The following COL4A6 variants were observed in gnomAD, a reference collection of about 807,000 sequenced individuals.
COL4A6 encodes collagen alpha-6(IV) chain.
A neutral mutation model predicts 126.7 loss-of-function variants in COL4A6; 59 were observed. The observed-to-expected ratio is 0.47, with a 90% CI of 0.38 to 0.58. COL4A6 has a LOEUF of 0.58. COL4A6 is among the 20% of genes least tolerant of loss of function. COL4A6 has a pLI of 0.00. For missense variants in COL4A6, 1,285 were observed against 1,337.3 expected, an observed-to-expected ratio of 0.96 and a Z score of 0.61; for synonymous variants, 547 against 496.6, an observed-to-expected ratio of 1.10 and a Z score of -1.35.
intron 3 of COL4A6, among the ~76,000 whole-genome samples, chrX:108,273,593 A>C (rs1038468202): frequency 4.4e-5 from 5 of 112,590 alleles, no homozygotes; most frequent in Non-Finnish European, 7.5e-5. Flanking sequence ...AATGTCCATC[A>C]ATGATAGACT....
At position 108,394,912 on chromosome X, in the gene COL4A6, G is replaced by A. The variant is rs1445993463; in HGVS notation, c.63+43030C>T. ...GGAAATGTTCTATATCTTGATCTAGGTGGTTTTATATATTAAGCAGAAGAG... is the reference window on the plus strand; with the variant it reads ...GGAAATGTTCTATATCTTGATCTAGATGGTTTTATATATTAAGCAGAAGAG... On this transcript the variant is annotated intron_variant, in intron 2 of 44. Coordinates refer to ENST00000334504, the MANE Select transcript of COL4A6 (RefSeq NM_033641.4). Among the ~76,000 whole-genome samples, 3 of 110,656 alleles carry A rather than the reference G, an allele frequency of 2.7e-5. No individual in the cohort carries two copies. The Admixed American group carries it at 2.9e-4, about 11-fold the overall frequency.
chrX:108,438,519 T>A, upstream of COL4A6: 1 of 937,204 alleles, frequency 1.1e-6, no homozygotes, highest in African/African-American at 2.0e-5. Context: ...GTAGTCTTTC[T>A]CACTTTCAGG....
intron 3 of COL4A6, among the ~76,000 whole-genome samples, chrX:108,265,116 T>C (rs1249243485): frequency 9.0e-6 from 1 of 111,485 alleles, no homozygotes; most frequent in Non-Finnish European, 1.9e-5. Context: ...ACAGTAACCA[T>C]CAGTGGTACT....
intron 3 of COL4A6, among the ~76,000 whole-genome samples, chrX:108,251,987 A>G (rs2036860610): frequency 9.0e-6 from 1 of 111,460 alleles, no homozygotes; most frequent in Non-Finnish European, 1.9e-5. Flanking sequence ...TGGTAAGAGC[A>G]TTCAAAATCC....
At chrX:108,266,072 G>C (rs1602959877) in intron 3 of COL4A6, among the ~76,000 whole-genome samples, 1 of 111,888 alleles carries the variant, frequency 8.9e-6, no homozygotes, top group African/African-American at 3.2e-5. Flanking sequence ...AACTGGGAGA[G>C]ACTTTGGTTT....
chrX:108,369,693 G>A (rs1446516515), intron 2 of COL4A6, among the ~76,000 whole-genome samples: 1 of 112,367 alleles, frequency 8.9e-6, no homozygotes, highest in East Asian at 2.8e-4. Context: ...GACACATTAA[G>A]TCTTTAGCAG....
At chrX:108,178,139 C>A (rs964128573) in intron 27 of COL4A6, among the ~76,000 whole-genome samples, 1 of 112,331 alleles carries the variant, frequency 8.9e-6, no homozygotes, top group East Asian at 2.8e-4. Flanking sequence ...GTGCAGTCAC[C>A]GAAGCAGGTT....
At chrX:108,241,101 C>A (rs924750977) in intron 3 of COL4A6, among the ~76,000 whole-genome samples, 5 of 110,378 alleles carry the variant, frequency 4.5e-5, no homozygotes, top group East Asian at 5.7e-4. Flanking sequence ...CTATAAATAT[C>A]ATATAATTTA....
chrX:108,399,482 G>C (rs958003092), intron 2 of COL4A6, among the ~76,000 whole-genome samples: 1 of 110,992 alleles, frequency 9.0e-6, no homozygotes, highest in African/African-American at 3.3e-5. Flanking sequence ...ACAAATCAGG[G>C]AAAACTGGGG....
At chrX:108,205,190 T>A (rs987649427) in intron 11 of COL4A6, among the ~76,000 whole-genome samples, 6 of 111,073 alleles carry the variant, frequency 5.4e-5, no homozygotes, top group African/African-American at 1.6e-4. Flanking sequence ...TTGTAAGACA[T>A]ACACCTTTCA....
chrX:108,271,607 A>G (rs1300952997), intron 3 of COL4A6, among the ~76,000 whole-genome samples: 1 of 111,498 alleles, frequency 9.0e-6, no homozygotes, highest in Non-Finnish European at 1.9e-5. Flanking sequence ...CTGCTGCTCC[A>G]GGTATGAGTG....
intron 32 of COL4A6, 107 bp from the exon 33 acceptor site, chrX:108,171,568 A>T (rs1011030045): frequency 4.7e-6 from 3 of 640,487 alleles, no homozygotes; most frequent in Non-Finnish European, 7.2e-6. Context: ...GTGTAGCCAG[A>T]GGAGCTCCTT....
chrX:108,302,040 C>G (rs2038502413), intron 3 of COL4A6, among the ~76,000 whole-genome samples: 1 of 111,323 alleles, frequency 9.0e-6, no homozygotes, highest in African/African-American at 3.3e-5. Context: ...ATGGTTTAGG[C>G]CAGTGGTCTC....
rs748163928 is a variant in COL4A6, at chrX:108,156,114, T to C, written c.*886A>G. The C allele has an allele frequency of 6.2e-5, 7 of 112,079 alleles. No individual in the cohort carries two copies. The highest frequency in any genetic ancestry group is 2.3e-4 in the African/African-American group (7 of 30,899). 9.2% of individuals were successfully genotyped at this position (112,079 alleles called of 1,213,427 possible). ...GAATAAACAGGGACTTCTGAGAAAC[T>C]GGGATGTGGGATTTACCTTTTTGTT... On this transcript the variant is annotated 3_prime_UTR_variant, in exon 45 of 45. Transcript: ENST00000334504.
At chrX:108,313,785 T>C (rs1456037563) in intron 2 of COL4A6, among the ~76,000 whole-genome samples, 1 of 112,250 alleles carries the variant, frequency 8.9e-6, no homozygotes, top group Non-Finnish European at 1.9e-5. Context: ...GAAGTGGTAG[T>C]CAGAGGCCAA....
rs2034668940 is a variant in COL4A6 at position 108,180,982 on chromosome X, CAT to C, written c.1952-16_1952-15del. On this transcript the variant is annotated splice_polypyrimidine_tract_variant and intron_variant, in intron 23 of 44. Coordinates refer to ENST00000334504, the MANE Select transcript of COL4A6 (RefSeq NM_033641.4). Reference sequence around the variant, plus strand: ...GCAGGGTGATTCCTGTAAATGGTAACATGTGTGCATTCAGTGAACCCAGAGTT... The same window carrying C: ...GCAGGGTGATTCCTGTAAATGGTAACGTGTGCATTCAGTGAACCCAGAGTT... 8.5e-7 allele frequency: 1 copy of C among 1,182,919 alleles called. No homozygotes were observed. The highest frequency in any genetic ancestry group is 1.8e-5 in the African/African-American group (1 of 56,677).
chrX:108,287,310 T>C (rs1291900109), intron 3 of COL4A6, among the ~76,000 whole-genome samples: 1 of 112,224 alleles, frequency 8.9e-6, no homozygotes, highest in Non-Finnish European at 1.9e-5. Context: ...TTCCCTGCTC[T>C]TTTTGATGCC....
At chrX:108,181,327 A>G (rs2034679602) in intron 23 of COL4A6, among the ~76,000 whole-genome samples, 1 of 112,516 alleles carries the variant, frequency 8.9e-6, no homozygotes, top group African/African-American at 3.2e-5. Context: ...GCCCTCAGAT[A>G]GAGCCTCTCC....
At chrX:108,343,161 ATATAGTGTGTGTGT>A (rs1365646622) in intron 2 of COL4A6, among the ~76,000 whole-genome samples, 2 of 55,604 alleles carry the variant, frequency 3.6e-5, no homozygotes, top group Non-Finnish European at 3.2e-5. Context: ...ATATATATAT[ATATAGTGTGTGTGT>A]GTGTGTGTGT....
Sources: allele counts gnomAD v4.1 joint callset (sites outside exome capture counted in the v4.1 genomes callset), GRCh38; gene constraint gnomAD v4.1.1; transcripts MANE v1.5; gene names NCBI Gene and HGNC (gene_info 2026-07-23, HGNC 2026-07-21).